PLEKHA4: variants seen among roughly 807,000 people sequenced by gnomAD.
PLEKHA4 encodes pleckstrin homology domain-containing family A member 4.
PLEKHA4 carries 73 observed loss-of-function variants against 94.7 expected under a neutral mutation model. The observed-to-expected ratio is 0.77, with a 90% CI of 0.64 to 0.94. PLEKHA4 has a LOEUF of 0.94. PLEKHA4 is among the 40% of genes least tolerant of loss of function. The probability of loss-of-function intolerance (pLI) is 0.00; values close to 1 mark genes in which losing one functional copy is unlikely to be tolerated. For synonymous variants in PLEKHA4, 449 were observed against 437.1 expected, an observed-to-expected ratio of 1.03 and a Z score of -0.34; for missense variants, 1,049 against 1,054.1, an observed-to-expected ratio of 1.00 and a Z score of 0.07.
intron 3 of PLEKHA4, among the ~76,000 whole-genome samples, chr19:48,861,931 G>C (rs1292911722): frequency 6.6e-6 from 1 of 151,878 alleles, no homozygotes; most frequent in Non-Finnish European, 1.5e-5. Flanking sequence ...TTTGAGACCA[G>C]CTTGGGTAAC....
chr19:48,866,256 T>G (rs565441054), intron 2 of PLEKHA4, among the ~76,000 whole-genome samples: 145 of 151,944 alleles, frequency 9.5e-4, no homozygotes, highest in Non-Finnish European at 1.4e-3. Context: ...ATTTTTTTAC[T>G]TTTTGTAGGG....
In PLEKHA4 at chr19:48,847,992, C is replaced by T; in HGVS notation, c.1474G>A (p.Ala492Thr). ...GGTTTCTGGGGGCCACCCAGACCTG[C>T]CAGCGTGTCTTCCACCATCCACAGC... Reference protein sequence around the residue: ...QQLWMVEDTLAGLGGPQKPPP... With the variant: ...QQLWMVEDTLTGLGGPQKPPP... The change falls in exon 14 of 20, where the codon GCA becomes ACA. Residue 492 changes from alanine (A) to threonine (T), a missense_variant. Ala to Thr is a moderately conservative substitution (Grantham distance 58). Coordinates refer to ENST00000263265, the MANE Select transcript of PLEKHA4 (RefSeq NM_020904.3). 6.2e-7 allele frequency: 1 copy of T among 1,613,558 alleles called. No homozygotes were observed. The highest frequency in any genetic ancestry group is 1.1e-5 in the South Asian group (1 of 91,064).
chr19:48,850,625 C>T (rs1228788460), intron 13 of PLEKHA4, among the ~76,000 whole-genome samples: 4 of 151,908 alleles, frequency 2.6e-5, no homozygotes, highest in East Asian at 3.9e-4. Context: ...CAAGACCAGC[C>T]GGACCAACAT....
intron 7 of PLEKHA4, 66 bp downstream of exon 7, chr19:48,859,403 C>A: frequency 6.4e-7 from 1 of 1,559,454 alleles, no homozygotes; most frequent in Non-Finnish European, 8.8e-7. Flanking sequence ...TAAGGCCCGC[C>A]CCCAACCAGT....
At chr19:48,860,848 A>G (rs189163536) in intron 5 of PLEKHA4, among the ~76,000 whole-genome samples, 2 of 150,750 alleles carry the variant, frequency 1.3e-5, no homozygotes, top group Non-Finnish European at 3.0e-5. Context: ...AAAGAGAGAG[A>G]GAGAAAAAAA....
chr19:48,837,667 C>G lies in PLEKHA4; in HGVS notation c.2078-116G>C, dbSNP rs2035586892. 1 of 1,288,856 alleles carries G rather than the reference C, an allele frequency of 7.8e-7. No homozygotes were observed. Among genetic ancestry groups the G allele is most frequent in the Admixed American group, 2.2e-5 (1 of 44,558 alleles). 79.8% of individuals were successfully genotyped at this position (1,288,856 alleles called of 1,614,324 possible). On this transcript the variant is annotated intron_variant, in intron 19 of 19. Transcript: ENST00000263265. This position sits in a 1 kb window ranked among gnomAD's most constrained non-coding sequence, Gnocchi z 4.3. ...GATTCCCAGCCCCTCCTCCATCAGA[C>G]CCAGGAGTCCAGGCCCCCAGCCCCT... is the stretch of plus-strand genomic sequence containing the variant.
rs763374085 is a variant in PLEKHA4, at chr19:48,841,284, A to C, written c.1770T>G (p.Ser590Arg). 6.2e-7 allele frequency: 1 copy of C among 1,612,714 alleles called. No individual in the cohort carries two copies. Among genetic ancestry groups the C allele is most frequent in the Non-Finnish European group, 8.5e-7 (1 of 1,179,524 alleles). Residue 590 changes from serine (S) to arginine (R), a missense_variant, in exon 17 of 20, where the codon AGT (serine) becomes AGG (arginine). By Grantham distance (110) the Ser-to-Arg change is moderately radical. Coordinates refer to ENST00000263265, the MANE Select transcript of PLEKHA4 (RefSeq NM_020904.3). ...GCATCCGCTCCAGCTGCTCCTGGGCACTCATCCGGGGCCGGGCCACCGGGG... is the reference window on the plus strand; with the variant it reads ...GCATCCGCTCCAGCTGCTCCTGGGCCCTCATCCGGGGCCGGGCCACCGGGG... ...TKAPVARPRMSAQEQLERMRR... is the reference protein window; with the variant it reads ...TKAPVARPRMRAQEQLERMRR...
chr19:48,860,526 G>C (rs1340890765), intron 5 of PLEKHA4, 67 bp from the exon 6 acceptor site: 2 of 1,245,082 alleles, frequency 1.6e-6, no homozygotes, highest in Non-Finnish European at 2.3e-6. Context: ...GGCCGGACCG[G>C]TGACTCATTC....
At chr19:48,841,342 C>G in intron 16 of PLEKHA4, 32 bp from the exon 17 acceptor site, 2 of 1,568,360 alleles carry the variant, frequency 1.3e-6, no homozygotes, top group Non-Finnish European at 1.7e-6. Context: ...CAAGACCCAA[C>G]CTTTAGGCCA....
At chr19:48,853,983 T>G in intron 11 of PLEKHA4, 24 bp downstream of exon 11, 1 of 1,613,644 alleles carries the variant, frequency 6.2e-7, no homozygotes, top group East Asian at 2.2e-5. Context: ...CCAGGCGCCC[T>G]GTCCTTGGCC....
chr19:48,858,585 C>A (rs1320664737), intron 8 of PLEKHA4, among the ~76,000 whole-genome samples: 4 of 144,212 alleles, frequency 2.8e-5, no homozygotes, highest in Non-Finnish European at 5.9e-5. Flanking sequence ...CGAGATCGTG[C>A]CACTGCCCTC....
intron 9 of PLEKHA4, 133 bp from the exon 10 acceptor site, chr19:48,854,397 C>A: frequency 1.2e-6 from 1 of 810,550 alleles, no homozygotes; most frequent in South Asian, 1.7e-5. Flanking sequence ...GAGATAGGGT[C>A]TTGCTCTGTC....
At position 48,847,892 on chromosome 19, in the gene PLEKHA4, C is replaced by G. The variant is rs28556985; in HGVS notation, c.1566+8G>C. On this transcript the variant is annotated splice_region_variant and intron_variant, in intron 14 of 19. Transcript: ENST00000263265. ...GCTTGGGGTGGGGAGGAATTATGTG[C>G]GTCTTACCTCCCTCTCTGAGGACTC... 4.9e-5 allele frequency: 76 copies of G among 1,545,232 alleles called. No homozygotes were observed. Among genetic ancestry groups the G allele is most frequent in the Non-Finnish European group, 6.5e-5 (74 of 1,146,188 alleles).
At chr19:48,853,328 C>T (rs530786370) in intron 12 of PLEKHA4, among the ~76,000 whole-genome samples, 9 of 152,098 alleles carry the variant, frequency 5.9e-5, no homozygotes, top group South Asian at 4.2e-4. Flanking sequence ...GTTAGGAGTT[C>T]GAGACCAGCC....
In PLEKHA4 at chr19:48,865,567, C is replaced by G; in HGVS notation, c.128G>C (p.Arg43Thr). The change falls in exon 3 of 20, where the codon AGA (arginine) becomes ACA (threonine). Residue 43 changes from arginine (R) to threonine (T), a missense_variant. By Grantham distance (71) the Arg-to-Thr change is moderately conservative. Transcript: ENST00000263265. ...GGGATCCCTCCTGAGCGCATTGCCT[C>G]TCTTCCCAAAGGCGTGGATCTTGTT... ...AVNKIHAFGK[R>T]GNALRRDPNL... 4 of 1,614,036 alleles carry G rather than the reference C, an allele frequency of 2.5e-6. No individual in the cohort carries two copies. Among genetic ancestry groups the G allele is most frequent in the Non-Finnish European group, 3.4e-6 (4 of 1,179,988 alleles).
chr19:48,855,985 C>A (rs1348221444), intron 9 of PLEKHA4, among the ~76,000 whole-genome samples: 1 of 149,664 alleles, frequency 6.7e-6, no homozygotes, highest in Non-Finnish European at 1.5e-5. Flanking sequence ...CCAGCCTGAC[C>A]AACATGGAGA....
chr19:48,860,517 G>T (rs2036594811), intron 5 of PLEKHA4, 58 bp from the exon 6 acceptor site: 1 of 1,356,740 alleles, frequency 7.4e-7, no homozygotes. Flanking sequence ...AGGAGGACAG[G>T]CCGGACCGGT....
chr19:48,852,842 AG>A (rs1477488896), intron 12 of PLEKHA4, among the ~76,000 whole-genome samples: 1 of 150,550 alleles, frequency 6.6e-6, no homozygotes, highest in Non-Finnish European at 1.5e-5. Context: ...CTGAGGCAGG[AG>A]GATCACTTGA....
chr19:48,851,355 G>A (rs920753129), intron 13 of PLEKHA4, among the ~76,000 whole-genome samples: 1 of 151,776 alleles, frequency 6.6e-6, no homozygotes, highest in Non-Finnish European at 1.5e-5. Context: ...AGTGGCTCAC[G>A]CCTGTAATCC....
Sources: gnomAD v4.1 joint callset for allele counts (sites outside exome capture counted in the v4.1 genomes callset) on GRCh38, gnomAD v4.1.1 for gene constraint, Gnocchi (gnomAD v3.1) non-coding constraint, MANE v1.5 for transcripts, NCBI Gene and HGNC (gene_info 2026-07-23, HGNC 2026-07-21) for gene names.